Variants in LMF1 observed in about 807,000 individuals in gnomAD.
LMF1 encodes the protein transmembrane protein 112.
A neutral mutation model predicts 60.6 loss-of-function variants in LMF1; 68 were observed. The ratio of observed to expected loss-of-function variants is 1.12; its 90% CI spans 0.92 to 1.37. The LOEUF (loss-of-function observed/expected upper bound fraction) is 1.37. LMF1 is among the 40% of genes most tolerant of loss of function. LMF1 has a pLI of 0.00. For missense variants in LMF1, 948 were observed against 767.2 expected (o/e 1.24, Z -2.78); for synonymous variants, 418 against 324.7 (o/e 1.29, Z -3.09).
intron 2 of LMF1, among the ~76,000 whole-genome samples, chr16:941,908 G>A (rs1436278320): frequency 6.6e-6 from 1 of 152,128 alleles, no homozygotes; most frequent in African/African-American, 2.4e-5. Flanking sequence ...TACAGTTTTT[G>A]CCTTAGTTGT....
At position 868,808 on chromosome 16, in the gene LMF1, GCC is replaced by G. The variant is rs568005147; in HGVS notation, c.1529+134_1529+135del. The stretch of plus-strand genomic sequence containing the variant: ...GGGGGGCCCTTTTTGCTCCCAGCAG[GCC>G]CCACCTCCTGCCTCTGCGGGAGGGA... On this transcript the variant is annotated intron_variant, in intron 10 of 10. Coordinates refer to ENST00000262301, the MANE Select transcript of LMF1 (RefSeq NM_022773.4). 2.8e-4 allele frequency: 176 copies of G among 626,872 alleles called. No individual in the cohort carries two copies. In the African/African-American group the frequency reaches 2.8e-3, roughly 10 times the overall value. 38.8% of individuals were successfully genotyped at this position (626,872 alleles called of 1,614,324 possible).
chr16:860,530 G>A (rs1038454617), intron 10 of LMF1, among the ~76,000 whole-genome samples: 3 of 152,088 alleles, frequency 2.0e-5, no homozygotes, highest in East Asian at 3.9e-4. Flanking sequence ...TAGTAGAGAC[G>A]GGGTTTTGCC....
In LMF1 at chr16:874,240, A is replaced by C; in HGVS notation, c.898-2899T>G. On this transcript the variant is annotated intron_variant, in intron 6 of 10. Transcript: ENST00000262301. This position sits in a 1 kb window ranked among gnomAD's most constrained non-coding sequence, Gnocchi z 4.1. ...AAGGGCCGGTGAGCCCAGCTCTGGGACAGAGCCTCAGGACAGCCGGCCTGT... is the reference window on the plus strand; with the variant it reads ...AAGGGCCGGTGAGCCCAGCTCTGGGCCAGAGCCTCAGGACAGCCGGCCTGT... 6.6e-6 allele frequency among the ~76,000 whole-genome samples: 1 copy of C among 152,170 alleles called. No homozygotes were observed. The highest frequency in any genetic ancestry group is 1.5e-5 in the Non-Finnish European group (1 of 68,012).
chr16:871,484 A>G, intron 6 of LMF1, 143 bp from the exon 7 acceptor site: 1 of 800,930 alleles, frequency 1.2e-6, no homozygotes, highest in Non-Finnish European at 2.0e-6. Flanking sequence ...CAGCATCACA[A>G]CTGAAACCCA....
intron 1 of LMF1, chr16:976,736 G>A (rs556149409): frequency 1.3e-5 from 6 of 454,158 alleles, no homozygotes; most frequent in East Asian, 6.9e-5. Context: ...TGAGCAGCAG[G>A]AGCACAGCTG....
chr16:968,149 G>A (rs371921106), intron 1 of LMF1, among the ~76,000 whole-genome samples: 87 of 152,330 alleles, frequency 5.7e-4, no homozygotes, highest in South Asian at 3.9e-3. Flanking sequence ...CCAGGCCCGC[G>A]GTGGGAAGGA....
chr16:885,738 T>C (rs1341119705), intron 5 of LMF1, among the ~76,000 whole-genome samples: 2 of 152,112 alleles, frequency 1.3e-5, no homozygotes, highest in African/African-American at 2.4e-5. Context: ...CAAAAACGGA[T>C]AGAAATGTAA....
At position 897,222 on chromosome 16, in the gene LMF1, G is replaced by A. The variant is rs1223947389; in HGVS notation, c.664-4150C>T. 6.6e-6 allele frequency among the ~76,000 whole-genome samples: 1 copy of A among 152,224 alleles called. No homozygotes were observed. The highest frequency in any genetic ancestry group is 1.5e-5 in the Non-Finnish European group (1 of 68,048). The stretch of plus-strand genomic sequence containing the variant: ...AATCTGCCATCTGGAAACTCGAAGT[G>A]TCTTGACGGTCGTATGCGGAGAAGG... On this transcript the variant is annotated intron_variant, in intron 4 of 10. Transcript: ENST00000262301. This position sits in a 1 kb window ranked among gnomAD's most constrained non-coding sequence, Gnocchi z 4.3.
intron 2 of LMF1, among the ~76,000 whole-genome samples, chr16:948,489 A>G (rs1442976735): frequency 6.6e-6 from 1 of 150,726 alleles, no homozygotes; most frequent in African/African-American, 2.4e-5. Context: ...GTCAGAGCCA[A>G]TGACAGAGTC....
chr16:885,970 AAATTTT>A, intron 5 of LMF1, among the ~76,000 whole-genome samples: 1 of 152,392 alleles, frequency 6.6e-6, no homozygotes, highest in African/African-American at 2.4e-5. Context: ...AAATCTGACT[AAATTTT>A]AAAAGACTCA....
At chr16:926,576 G>A (rs1264051737) in intron 3 of LMF1, among the ~76,000 whole-genome samples, 3 of 152,258 alleles carry the variant, frequency 2.0e-5, no homozygotes, top group Non-Finnish European at 4.4e-5. Flanking sequence ...TTAACACGGG[G>A]TGGATGTAAA....
At chr16:944,379 CTG>C (rs1229027250) in intron 2 of LMF1, among the ~76,000 whole-genome samples, 1 of 152,236 alleles carries the variant, frequency 6.6e-6, no homozygotes, top group Non-Finnish European at 1.5e-5. Flanking sequence ...GTGGTGATGT[CTG>C]TGTTAGCTCC....
chr16:855,011 T>G, intron 10 of LMF1: 1 of 488,336 alleles, frequency 2.0e-6, no homozygotes, highest in Non-Finnish European at 3.8e-6. Context: ...GGCCAGGAGC[T>G]TCACGGGTGG....
chr16:881,963 G>A (rs1386498658), intron 5 of LMF1, among the ~76,000 whole-genome samples: 2 of 152,188 alleles, frequency 1.3e-5, no homozygotes, highest in Non-Finnish European at 2.9e-5. Context: ...GTCTTGGGAT[G>A]AAGAAGGAGG....
chr16:975,974 C>T (rs906711322), upstream of LMF1: 44 of 452,202 alleles, frequency 9.7e-5, no homozygotes, highest in Non-Finnish European at 1.4e-4. Context: ...GTGGACATTC[C>T]GGGCAAGGGG....
chr16:973,964 C>T (rs1313158962), upstream of LMF1, among the ~76,000 whole-genome samples: 2 of 149,632 alleles, frequency 1.3e-5, no homozygotes, highest in African/African-American at 4.9e-5. Flanking sequence ...GAGCCGAGAT[C>T]GTGCCACTGC....
At chr16:920,787 C>T (rs1419456416) in intron 3 of LMF1, among the ~76,000 whole-genome samples, 1 of 152,246 alleles carries the variant, frequency 6.6e-6, no homozygotes, top group Non-Finnish European at 1.5e-5. Flanking sequence ...AGAAACATAA[C>T]ACGTTACACT....
intron 4 of LMF1, among the ~76,000 whole-genome samples, chr16:895,052 C>T (rs530952505): frequency 7.9e-5 from 12 of 152,280 alleles, no homozygotes; most frequent in Admixed American, 7.8e-4. Flanking sequence ...GCTGAGGAGG[C>T]CGCGGGGGGA....
At chr16:876,495 A>G (rs1260483894) in intron 6 of LMF1, among the ~76,000 whole-genome samples, 1 of 152,206 alleles carries the variant, frequency 6.6e-6, no homozygotes, top group African/African-American at 2.4e-5. Flanking sequence ...CCTGCCTATC[A>G]ACTATACAAG....
Sources: allele counts gnomAD v4.1 joint callset (sites outside exome capture counted in the v4.1 genomes callset), GRCh38; gene constraint gnomAD v4.1.1; non-coding constraint Gnocchi (gnomAD v3.1); transcripts MANE v1.5; gene names NCBI Gene and HGNC (gene_info 2026-07-23, HGNC 2026-07-21).